ATP2B4: variants seen among roughly 807,000 people sequenced by gnomAD.
ATP2B4 encodes ATPase plasma membrane Ca2+ transporting 4, also known as plasma membrane calcium-transporting ATPase 4.
ATP2B4 carries 39 observed loss-of-function variants against 110.3 expected under a neutral mutation model. The ratio of observed to expected loss-of-function variants is 0.35; its 90% CI spans 0.27 to 0.46. ATP2B4 has a LOEUF of 0.46. Ranked by LOEUF, ATP2B4 falls within the 20% of genes least tolerant of loss-of-function variation. ATP2B4 has a pLI of 1.00. For missense variants in ATP2B4, 1,135 were observed against 1,530.9 expected (o/e 0.74, Z 4.32); for synonymous variants, 538 against 571.7 (o/e 0.94, Z 0.84).
rs577766119 is a variant in ATP2B4 at position 203,654,274 on chromosome 1, G to A, written c.-465+27055G>A. ...GTTGGGATTACAGGTGTGAGCCACC[G>A]TGCCCGGCCAGTTTACCAAATATTT... On this transcript the variant is annotated intron_variant, in intron 1 of 20. Transcript: ENST00000357681. 4.6e-5 allele frequency among the ~76,000 whole-genome samples: 7 copies of A among 152,068 alleles called. No homozygotes were observed. In the East Asian group the frequency reaches 5.8e-4, roughly 13 times the overall value.
intron 1 of ATP2B4, among the ~76,000 whole-genome samples, chr1:203,658,724 G>A (rs1664240944): frequency 6.6e-6 from 1 of 152,148 alleles, no homozygotes; most frequent in Non-Finnish European, 1.5e-5. Context: ...TGGAAGGTAA[G>A]GCCAGGCATG....
At chr1:203,696,925 G>C (rs374909264) in intron 2 of ATP2B4, among the ~76,000 whole-genome samples, 5 of 152,304 alleles carry the variant, frequency 3.3e-5, no homozygotes, top group African/African-American at 9.6e-5. Flanking sequence ...GTGGCATGTG[G>C]TGTGTGTACA....
chr1:203,739,980 T>G lies in ATP2B4; in HGVS notation c.*126T>G, dbSNP rs549375267. On this transcript the variant is annotated 3_prime_UTR_variant, in exon 21 of 21. Transcript: ENST00000357681. ...TGTGTTAACAGCAGTGTGTGTGAAGTGAACCTCTACCTGACCATGAAGAGG... is the reference window on the plus strand; with the variant it reads ...TGTGTTAACAGCAGTGTGTGTGAAGGGAACCTCTACCTGACCATGAAGAGG... 1,916 of 1,053,586 alleles carry G rather than the reference T, an allele frequency of 1.8e-3. 5 individuals carry two copies. The highest frequency in any genetic ancestry group is 2.2e-3 in the Non-Finnish European group (1,647 of 742,880). The allele number at this position is 1,053,586 out of a possible 1,614,324, so 65.3% of individuals were successfully genotyped here. A position where few individuals can be genotyped will look rare whatever the true frequency, so the allele number is the denominator to read the frequency against.
chr1:203,733,105 T>G (rs1666779047), intron 20 of ATP2B4: 5 of 947,328 alleles, frequency 5.3e-6, no homozygotes, highest in Non-Finnish European at 7.6e-6. Flanking sequence ...TCCTGTCCCC[T>G]TTTCCCATCT....
intron 15 of ATP2B4, among the ~76,000 whole-genome samples, chr1:203,718,461 G>C (rs1292126922): frequency 6.6e-6 from 1 of 151,980 alleles, no homozygotes; most frequent in African/African-American, 2.4e-5. Flanking sequence ...ACCACACCCT[G>C]CTAATTTTTG....
At chr1:203,663,601 C>G (rs1005010185) in intron 1 of ATP2B4, among the ~76,000 whole-genome samples, 1 of 151,864 alleles carries the variant, frequency 6.6e-6, no homozygotes, top group Admixed American at 6.6e-5. Flanking sequence ...ACAGGCTGCT[C>G]TCTCTCTCTC....
At chr1:203,731,757 G>A (rs547632701) in intron 20 of ATP2B4, among the ~76,000 whole-genome samples, 2 of 149,490 alleles carry the variant, frequency 1.3e-5, no homozygotes, top group South Asian at 4.3e-4. Flanking sequence ...GGCTGAGGCA[G>A]GAGAATGGCT....
At chr1:203,676,727 C>T (rs1016182709) in intron 1 of ATP2B4, among the ~76,000 whole-genome samples, 6 of 152,060 alleles carry the variant, frequency 3.9e-5, no homozygotes, top group Non-Finnish European at 5.9e-5. Context: ...AAGCCCTCAT[C>T]CCCACCACTG....
intron 20 of ATP2B4, among the ~76,000 whole-genome samples, chr1:203,738,799 A>T (rs964655677): frequency 1.3e-4 from 20 of 152,202 alleles, no homozygotes; most frequent in African/African-American, 4.8e-4. Context: ...CCTGTATTTT[A>T]TCTGCTGCTT....
At chr1:203,672,770 G>A (rs138282600) in intron 1 of ATP2B4, among the ~76,000 whole-genome samples, 242 of 152,280 alleles carry the variant, frequency 1.6e-3, no homozygotes, top group Middle Eastern at 6.8e-3. Flanking sequence ...CTCATCTCCT[G>A]TGGAGATAGA....
intron 20 of ATP2B4, chr1:203,733,417 T>C (rs1271755480): frequency 8.1e-6 from 13 of 1,597,874 alleles, no homozygotes; most frequent in Non-Finnish European, 1.1e-5. Context: ...GATAGTCTAT[T>C]ATGATGCATG....
intron 1 of ATP2B4, among the ~76,000 whole-genome samples, chr1:203,666,573 A>G (rs528275852): frequency 3.9e-5 from 6 of 152,252 alleles, no homozygotes; most frequent in African/African-American, 1.2e-4. Flanking sequence ...GACATTTAAC[A>G]TAGTAGAAAG....
chr1:203,730,757 A>G (rs926745561), intron 20 of ATP2B4, among the ~76,000 whole-genome samples: 1 of 152,146 alleles, frequency 6.6e-6, no homozygotes, highest in Non-Finnish European at 1.5e-5. Flanking sequence ...ACCTTTCCGC[A>G]TTGTTGGAGC....
At chr1:203,670,886 T>A (rs990461043) in intron 1 of ATP2B4, among the ~76,000 whole-genome samples, 2 of 152,026 alleles carry the variant, frequency 1.3e-5, no homozygotes, top group Non-Finnish European at 2.9e-5. Context: ...CCGTGGGGAG[T>A]GTTCTCATCT....
intron 17 of ATP2B4, among the ~76,000 whole-genome samples, chr1:203,721,654 CTTTTT>C (rs940034577): frequency 2.6e-5 from 3 of 116,620 alleles, no homozygotes; most frequent in African/African-American, 6.9e-5. Context: ...TTCTTTCTTT[CTTTTT>C]TTTTTTTTTT....
rs373246108 is a variant in ATP2B4, at chr1:203,699,575, T to C, written c.507T>C (p.Asn169=). The C allele has an allele frequency of 1.2e-6, 2 of 1,614,064 alleles. No individual in the cohort carries two copies. The highest frequency in any genetic ancestry group is 1.7e-6 in the Non-Finnish European group (2 of 1,180,040). The part of the protein sequence containing the change: ...VIIVVLVTAF[N]DWSKEKQFRG... ...TCGTGGTGTTAGTGACTGCCTTTAATGATTGGAGCAAAGAGAAGCAATTCC... is the reference window on the plus strand; with the variant it reads ...TCGTGGTGTTAGTGACTGCCTTTAACGATTGGAGCAAAGAGAAGCAATTCC... The change falls in exon 4 of 21, where the codon AAT becomes AAC. Residue 169 remains asparagine (N), a synonymous_variant. Coordinates refer to ENST00000357681, the MANE Select transcript of ATP2B4 (RefSeq NM_001684.5).
intron 7 of ATP2B4, among the ~76,000 whole-genome samples, chr1:203,703,097 T>A (rs1665740089): frequency 6.6e-6 from 1 of 152,046 alleles, no homozygotes; most frequent in African/African-American, 2.4e-5. Context: ...TCTTTTCCTA[T>A]CCTCAACTGC....
intron 1 of ATP2B4, among the ~76,000 whole-genome samples, chr1:203,648,190 A>G (rs1663864867): frequency 6.6e-6 from 1 of 152,228 alleles, no homozygotes; most frequent in South Asian, 2.1e-4. Flanking sequence ...GGAGAGAACC[A>G]TAAAGATTTC....
At chr1:203,725,945 G>A (rs1392034512) in intron 19 of ATP2B4, among the ~76,000 whole-genome samples, 10 of 128,098 alleles carry the variant, frequency 7.8e-5, no homozygotes, top group African/African-American at 3.1e-4. Flanking sequence ...GGGGTCTCAG[G>A]CCAGGCGCAG....
Sources: allele counts gnomAD v4.1 joint callset (sites outside exome capture counted in the v4.1 genomes callset), GRCh38; gene constraint gnomAD v4.1.1; transcripts MANE v1.5; gene names NCBI Gene and HGNC (gene_info 2026-07-23, HGNC 2026-07-21).